Variants in TENM3 observed in about 807,000 individuals in gnomAD.
TENM3 encodes teneurin-3.
In TENM3, 63 loss-of-function variants were observed where a neutral mutation model predicts 255.1. The ratio of observed to expected loss-of-function variants is 0.25; its 90% CI spans 0.20 to 0.30. The LOEUF (loss-of-function observed/expected upper bound fraction) is 0.30, where lower values mean the gene tolerates loss of function less well. TENM3 is among the 10% of genes least tolerant of loss of function. The pLI is 1.00. For missense variants in TENM3, 2,929 were observed against 3,461.1 expected (o/e 0.85, Z 3.86); for synonymous variants, 1,306 against 1,322.3 (o/e 0.99, Z 0.27).
intron 3 of TENM3, among the ~76,000 whole-genome samples, chr4:182,402,532 G>A (rs1433111298): frequency 6.6e-6 from 1 of 152,140 alleles, no homozygotes; most frequent in Non-Finnish European, 1.5e-5. Context: ...CACATTCATG[G>A]CCCAAAATAA....
At chr4:181,605,088 C>G in the TENM3 span, among the ~76,000 whole-genome samples, 1 of 152,014 alleles carries the variant, frequency 6.6e-6, no homozygotes, top group Admixed American at 6.6e-5. Flanking sequence ...CATTAGTGTA[C>G]AATGTTATGT....
At chr4:182,176,821 A>AATTTT (rs1561169609) in intron 1 of TENM3, among the ~76,000 whole-genome samples, 10 of 113,358 alleles carry the variant, frequency 8.8e-5, no homozygotes, top group Non-Finnish European at 8.9e-5. Context: ...CATCCGGCTA[A>AATTTT]TTTTTTTTTT....
At chr4:181,801,443 T>C in the TENM3 span, among the ~76,000 whole-genome samples, 1 of 151,928 alleles carries the variant, frequency 6.6e-6, no homozygotes, top group Admixed American at 6.6e-5. Context: ...AAACTAAGAA[T>C]ACTCTCCAGC....
At chr4:182,767,886 G>C (rs1174169444) in intron 22 of TENM3, among the ~76,000 whole-genome samples, 1 of 152,182 alleles carries the variant, frequency 6.6e-6, no homozygotes, top group Non-Finnish European at 1.5e-5. Context: ...ACCAACATCT[G>C]CTGCTGTCTT....
the TENM3 span, among the ~76,000 whole-genome samples, chr4:181,780,934 G>C: frequency 6.6e-6 from 1 of 152,028 alleles, no homozygotes; most frequent in East Asian, 1.9e-4. Context: ...ATGGTCATAG[G>C]TGTGTGGTAT....
At chr4:182,068,327 A>G in the TENM3 span, among the ~76,000 whole-genome samples, 1 of 152,218 alleles carries the variant, frequency 6.6e-6, no homozygotes, top group East Asian at 1.9e-4. Context: ...GGAAGTTTGT[A>G]AGAAGCTTCC....
At chr4:182,003,277 C>G in the TENM3 span, among the ~76,000 whole-genome samples, 51 of 152,128 alleles carry the variant, frequency 3.4e-4, no homozygotes, top group Non-Finnish European at 7.1e-4. Flanking sequence ...TTAGTATAAG[C>G]AGGTGGGCTA....
chr4:181,783,410 A>G, the TENM3 span, among the ~76,000 whole-genome samples: 2 of 152,060 alleles, frequency 1.3e-5, no homozygotes, highest in East Asian at 1.9e-4. Context: ...TCTGGTGACA[A>G]TACCTCACCA....
rs544521565 is a variant in TENM3, at chr4:182,509,711, G to A, written c.512-91213G>A. ...CCAGCACTTTGGGAGGCCAAGACAG[G>A]CGGATCACCTGAAGTTGGGAGTTCA... On this transcript the variant is annotated intron_variant, in intron 3 of 27. Coordinates refer to ENST00000511685, the MANE Select transcript of TENM3 (RefSeq NM_001080477.4). Among the ~76,000 whole-genome samples the A allele has an allele frequency of 3.3e-5, 5 of 152,166 alleles. No individual in the cohort carries two copies. In the East Asian group the frequency reaches 9.7e-4, roughly 29 times the overall value.
At chr4:181,568,191 T>G in the TENM3 span, among the ~76,000 whole-genome samples, 135 of 150,844 alleles carry the variant, frequency 8.9e-4, 1 homozygote, top group African/African-American at 3.1e-3. Flanking sequence ...TTGACAGAGT[T>G]TGTCTTTTCT....
intron 3 of TENM3, among the ~76,000 whole-genome samples, chr4:182,458,247 ATTTCTATTCCCCATTGAATGGCTTG>A (rs1774026625): frequency 6.6e-6 from 1 of 152,116 alleles, no homozygotes; most frequent in African/African-American, 2.4e-5. Context: ...TTTTATTGAC[ATTTCTATTCCCCATTGAATGGCTTG>A]TTTATTTAAT....
chr4:181,855,864 T>A, the TENM3 span, among the ~76,000 whole-genome samples: 3 of 132,944 alleles, frequency 2.3e-5, no homozygotes, highest in East Asian at 2.4e-4. Context: ...GGAGGGAGGA[T>A]AGGAGGAAGC....
chr4:182,790,447 C>T (rs1291057901), intron 25 of TENM3, among the ~76,000 whole-genome samples: 1 of 152,146 alleles, frequency 6.6e-6, no homozygotes, highest in Non-Finnish European at 1.5e-5. Context: ...CCCCCTGAAC[C>T]CTGAGCCATC....
chr4:182,612,032 T>G (rs1358481998), intron 4 of TENM3, among the ~76,000 whole-genome samples: 1 of 151,586 alleles, frequency 6.6e-6, no homozygotes, highest in African/African-American at 2.4e-5. Flanking sequence ...TTTTGGGAGG[T>G]CAAGGTGGGC....
rs146922993 is a variant in TENM3 at position 182,633,719 on chromosome 4, A to G, written c.988+4830A>G. Among the ~76,000 whole-genome samples, 1,265 of 152,366 alleles carry G rather than the reference A, an allele frequency of 8.3e-3. 17 individuals carry two copies. Among genetic ancestry groups the G allele is most frequent in the African/African-American group, 0.029 (1,199 of 41,590 alleles). On this transcript the variant is annotated intron_variant, in intron 5 of 27. Coordinates refer to ENST00000511685, the MANE Select transcript of TENM3 (RefSeq NM_001080477.4). ...CTTAGGAGGTTTCTTCTTTTAACAA[A>G]TGTAATCTGTGGCTTAGAGAGATGG...
chr4:181,551,725 C>T, the TENM3 span, among the ~76,000 whole-genome samples: 4 of 151,504 alleles, frequency 2.6e-5, no homozygotes, highest in African/African-American at 9.7e-5. Flanking sequence ...AAAGGTTCAA[C>T]AGTAAATGTC....
At chr4:181,527,632 T>C in the TENM3 span, among the ~76,000 whole-genome samples, 1 of 151,646 alleles carries the variant, frequency 6.6e-6, no homozygotes, top group Non-Finnish European at 1.5e-5. Flanking sequence ...TTTGTTTTTT[T>C]TTTTTTTTAA....
chr4:182,425,379 T>C (rs1158795793), intron 3 of TENM3, among the ~76,000 whole-genome samples: 1 of 152,226 alleles, frequency 6.6e-6, no homozygotes, highest in Non-Finnish European at 1.5e-5. Context: ...GTCTAACTCA[T>C]ATTAACCTCC....
At chr4:181,751,861 C>A in the TENM3 span, among the ~76,000 whole-genome samples, 1 of 152,080 alleles carries the variant, frequency 6.6e-6, no homozygotes, top group Non-Finnish European at 1.5e-5. Context: ...CGAAGACTGA[C>A]CTGTAAATTA....
Sources: gnomAD v4.1 joint callset for allele counts (sites outside exome capture counted in the v4.1 genomes callset) on GRCh38, gnomAD v4.1.1 for gene constraint, MANE v1.5 for transcripts, NCBI Gene and HGNC (gene_info 2026-07-23, HGNC 2026-07-21) for gene names.